DMD: variants seen among roughly 807,000 people sequenced by gnomAD.
The protein encoded by DMD is mutant dystrophin.
A neutral mutation model predicts 330.1 loss-of-function variants in DMD; 63 were observed. The observed-to-expected ratio is 0.19, with a 90% confidence interval of 0.16 to 0.24. The LOEUF is 0.24. Among genes scored for constraint, DMD ranks in the 10% least tolerant of loss-of-function variants. The pLI is 1.00. For synonymous variants in DMD, 1,223 were observed against 959.8 expected, an observed-to-expected ratio of 1.27 and a Z score of -5.07; for missense variants, 3,344 against 2,684.1, an observed-to-expected ratio of 1.25 and a Z score of -5.43.
At chrX:31,151,404 A>G in intron 74 of DMD, among the ~76,000 whole-genome samples, 1 of 112,278 alleles carries the variant, frequency 8.9e-6, no homozygotes, top group East Asian at 2.8e-4. Context: ...TTAGACATGG[A>G]CCTCAAGATG....
At chrX:31,409,244 C>A (rs995875953) in intron 60 of DMD, among the ~76,000 whole-genome samples, 2 of 112,418 alleles carry the variant, frequency 1.8e-5, no homozygotes, top group Non-Finnish European at 3.8e-5. Flanking sequence ...TGCGTTTACT[C>A]CCTCCAGATG....
chrX:32,076,514 G>A (rs2096352567), intron 44 of DMD, among the ~76,000 whole-genome samples: 1 of 108,363 alleles, frequency 9.2e-6, no homozygotes, highest in South Asian at 4.1e-4. Flanking sequence ...CGAGTAGCTG[G>A]GACTACAGGC....
chrX:32,376,706 G>C (rs1169254488), intron 34 of DMD, among the ~76,000 whole-genome samples: 2 of 108,902 alleles, frequency 1.8e-5, no homozygotes, highest in African/African-American at 6.8e-5. Flanking sequence ...TGAGTATAGA[G>C]AATCCAATTT....
At chrX:32,585,274 A>G (rs182888805) in intron 13 of DMD, among the ~76,000 whole-genome samples, 2 of 112,344 alleles carry the variant, frequency 1.8e-5, no homozygotes, top group East Asian at 2.8e-4. Flanking sequence ...ATAGCAGAGT[A>G]GGAAGACTAT....
At chrX:31,415,492 A>G (rs2061829122) in intron 60 of DMD, among the ~76,000 whole-genome samples, 1 of 111,987 alleles carries the variant, frequency 8.9e-6, no homozygotes, top group Non-Finnish European at 1.9e-5. Flanking sequence ...AGGTAGGGTC[A>G]GGTACAGGCT....
intron 1 of DMD, among the ~76,000 whole-genome samples, chrX:33,138,216 C>T (rs1464785806): frequency 8.9e-6 from 1 of 112,033 alleles, no homozygotes; most frequent in Non-Finnish European, 1.9e-5. Context: ...TATTCTTAAA[C>T]ATCTGTCTAT....
chrX:31,205,544 C>A (rs184424308), intron 66 of DMD, among the ~76,000 whole-genome samples: 15 of 112,183 alleles, frequency 1.3e-4, no homozygotes, highest in African/African-American at 4.9e-4. Flanking sequence ...TAGATTAGAA[C>A]CTAACCTATA....
chrX:31,574,263 C>A (rs961403339), intron 55 of DMD, among the ~76,000 whole-genome samples: 7 of 107,026 alleles, frequency 6.5e-5, no homozygotes, highest in Non-Finnish European at 1.3e-4. Flanking sequence ...CCTGCCTCAG[C>A]CTCCTGAGTA....
Position 32,217,862 on chromosome X carries a change from TTAAAA to T in DMD, c.6291-804_6291-800del, listed in dbSNP as rs779171160. On this transcript the variant is annotated intron_variant, in intron 43 of 78. Coordinates refer to ENST00000357033, the MANE Select transcript of DMD (RefSeq NM_004006.3). ...CTATCATTAAAGATTCTGTCAATAT[TTAAAA>T]TAAGATGACAGATATAATTCATATT... 4.6e-4 allele frequency among the ~76,000 whole-genome samples: 52 copies of T among 112,065 alleles called. 1 individual carries two copies. Among genetic ancestry groups the T allele is most frequent in the Non-Finnish European group, 9.2e-4 (49 of 53,147 alleles).
intron 34 of DMD, among the ~76,000 whole-genome samples, chrX:32,367,564 T>G (rs746138300): frequency 1.8e-5 from 2 of 112,202 alleles, no homozygotes; most frequent in South Asian, 7.4e-4. Context: ...GCAATGCAAT[T>G]AAAGGCAATG....
In DMD at chrX:31,688,641, C is replaced by T. The variant is rs764472928; in HGVS notation, c.7661-9055G>A. On this transcript the variant is annotated intron_variant, in intron 52 of 78. Coordinates refer to ENST00000357033, the MANE Select transcript of DMD (RefSeq NM_004006.3). ...TTATGAGGCCAGCATCATCCTGATA[C>T]CAAAGCCTGGCAGAGACACAACAAA... Among the ~76,000 whole-genome samples the T allele has an allele frequency of 2.7e-4, 30 of 111,598 alleles. No homozygotes were observed. The East Asian group carries it at 8.1e-3, about 30-fold the overall frequency.
At chrX:32,393,213 C>T (rs2098016621) in intron 30 of DMD, among the ~76,000 whole-genome samples, 1 of 111,053 alleles carries the variant, frequency 9.0e-6, no homozygotes, top group Non-Finnish European at 1.9e-5. Context: ...AATTTTGTTA[C>T]TTCTAAATGA....
At chrX:32,646,326 A>T (rs2059781396) in intron 9 of DMD, among the ~76,000 whole-genome samples, 1 of 111,333 alleles carries the variant, frequency 9.0e-6, no homozygotes, top group Non-Finnish European at 1.9e-5. Context: ...TACTCCTTGC[A>T]GGTCGCCGGG....
rs543089658 is a variant in DMD, at chrX:31,848,880, G to C, written c.7099-12061C>G. Among the ~76,000 whole-genome samples, 26 of 109,029 alleles carry C rather than the reference G, an allele frequency of 2.4e-4. 1 individual carries two copies. The South Asian group carries it at 9.8e-3, about 41-fold the overall frequency. The allele number at this position is 109,029 out of a possible 115,157, so 94.7% of individuals were successfully genotyped here. On this transcript the variant is annotated intron_variant, in intron 48 of 78. Transcript: ENST00000357033. ...GTGAAGCAAAGATTAGTGATGAAAAGAGGTAGAAAAAAAAAACCCTTGAGG... is the reference window on the plus strand; with the variant it reads ...GTGAAGCAAAGATTAGTGATGAAAACAGGTAGAAAAAAAAAACCCTTGAGG...
In DMD at chrX:31,183,868, T is replaced by A. The variant is rs113624509; in HGVS notation, c.9808-964A>T. Among the ~76,000 whole-genome samples the A allele has an allele frequency of 6.3e-3, 444 of 70,782 alleles. 1 individual carries two copies. Among genetic ancestry groups the A allele is most frequent in the Non-Finnish European group, 8.0e-3 (291 of 36,581 alleles). The allele number at this position is 70,782 out of a possible 115,157, so 61.5% of individuals were successfully genotyped here. The stretch of plus-strand genomic sequence containing the variant: ...TTTGTCTGAAAATACCTCCTTTTTT[T>A]AAAAAAAAAATCCATATTCCTGATA... On this transcript the variant is annotated intron_variant, in intron 67 of 78. Coordinates refer to ENST00000357033, the MANE Select transcript of DMD (RefSeq NM_004006.3).
chrX:32,742,519 T>A (rs2148194126), intron 7 of DMD, among the ~76,000 whole-genome samples: 1 of 111,243 alleles, frequency 9.0e-6, no homozygotes, highest in African/African-American at 3.3e-5. Flanking sequence ...ATAGTGTAAG[T>A]TTAAGCTGCT....
intron 43 of DMD, among the ~76,000 whole-genome samples, chrX:32,248,209 A>C (rs1361419655): frequency 8.9e-6 from 1 of 111,760 alleles, no homozygotes; most frequent in African/African-American, 3.2e-5. Context: ...GTAAATGCTC[A>C]GGTACAGCCA....
chrX:32,532,102 G>T (rs1293758607), intron 17 of DMD, among the ~76,000 whole-genome samples: 1 of 111,193 alleles, frequency 9.0e-6, no homozygotes, highest in Non-Finnish European at 1.9e-5. Context: ...ATATAATGTG[G>T]TTAAGACCAT....
chrX:32,589,456 A>G (rs761562504), intron 13 of DMD, among the ~76,000 whole-genome samples: 21 of 110,846 alleles, frequency 1.9e-4, no homozygotes, highest in African/African-American at 6.9e-4. Flanking sequence ...ATACATATAT[A>G]TACATATGCA....
Sources: allele counts gnomAD v4.1 joint callset (sites outside exome capture counted in the v4.1 genomes callset), GRCh38; gene constraint gnomAD v4.1.1; transcripts MANE v1.5; gene names NCBI Gene and HGNC (gene_info 2026-07-23, HGNC 2026-07-21).